The following RUFY1 variants were observed in gnomAD, a reference collection of about 807,000 sequenced individuals.
RUFY1 encodes RUN and FYVE domain containing 1, also known as RUN and FYVE domain-containing protein 1.
Under a neutral mutation model 94.6 loss-of-function variants are expected in RUFY1, and 54 were observed. That is an observed-to-expected ratio of 0.57 (90% CI 0.46 to 0.72). The LOEUF (loss-of-function observed/expected upper bound fraction) is 0.72. Ranked by LOEUF, RUFY1 falls within the 30% of genes least tolerant of loss-of-function variation. The probability of loss-of-function intolerance (pLI) is 0.00; values close to 1 mark genes in which losing one functional copy is unlikely to be tolerated. For missense variants in RUFY1, 883 were observed against 883.9 expected, an observed-to-expected ratio of 1.00 and a Z score of 0.01; for synonymous variants, 396 against 347.3, an observed-to-expected ratio of 1.14 and a Z score of -1.56.
In RUFY1 at chr5:179,550,715, AC is replaced by A. The variant is rs749363186; in HGVS notation, c.148del (p.Leu50CysfsTer18). ...CGAAGCCAGCTGCCCGGCCCAGGCGACCTGCGGAGCGCAACGAGGCCGCGGG... is the reference window on the plus strand; with the variant it reads ...CGAAGCCAGCTGCCCGGCCCAGGCGACTGCGGAGCGCAACGAGGCCGCGGG... Reference protein sequence around the residue: ...VDRSQLPGPGDLRSATRPRAA... With the variant: ...VDRSQLPGPGXLRSATRPRAA... On this transcript the variant is annotated frameshift_variant, in exon 1 of 18. Coordinates refer to ENST00000319449, the MANE Select transcript of RUFY1 (RefSeq NM_025158.5). LOFTEE classifies it high-confidence loss of function. 5 of 1,486,966 alleles carry A rather than the reference AC, an allele frequency of 3.4e-6. No individual in the cohort carries two copies. The highest frequency in any genetic ancestry group is 1.3e-5 in the South Asian group (1 of 79,546). 92.1% of individuals were successfully genotyped at this position (1,486,966 alleles called of 1,614,324 possible). A position where few individuals can be genotyped will look rare whatever the true frequency, so the allele number is the denominator to read the frequency against.
chr5:179,550,642 G>A lies in RUFY1; in HGVS notation c.73G>A (p.Gly25Arg). ...ELEPELEPGPGPGSALEPGEE... is the reference protein window; with the variant it reads ...ELEPELEPGPRPGSALEPGEE... ...GGAGCCGGAGCTGGAGCCGGGGCCG[G>A]GGCCCGGGTCAGCGCTTGAGCCGGG... The change falls in exon 1 of 18, where the codon GGG becomes AGG. Residue 25 changes from glycine to arginine, a missense_variant. Gly to Arg is a moderately radical substitution (Grantham distance 125, BLOSUM62 -2). Transcript: ENST00000319449. 1.4e-6 allele frequency: 2 copies of A among 1,428,356 alleles called. No homozygotes were observed. Among genetic ancestry groups the A allele is most frequent in the Non-Finnish European group, 1.8e-6 (2 of 1,099,258 alleles). The allele number at this position is 1,428,356 out of a possible 1,614,324, so 88.5% of individuals were successfully genotyped here. A position where few individuals can be genotyped will look rare whatever the true frequency, so the allele number is the denominator to read the frequency against.
chr5:179,570,848 T>G (rs548108667), intron 5 of RUFY1, among the ~76,000 whole-genome samples: 2 of 152,226 alleles, frequency 1.3e-5, no homozygotes, highest in African/African-American at 4.8e-5. Flanking sequence ...CAGAGAAGTA[T>G]TTTTGAAAAG....
chr5:179,589,015 G>A (rs953110097), intron 8 of RUFY1, among the ~76,000 whole-genome samples: 2 of 152,180 alleles, frequency 1.3e-5, no homozygotes, highest in Non-Finnish European at 2.9e-5. Flanking sequence ...ACAGGTGTGA[G>A]CCACTGTACC....
At chr5:179,591,126 C>T (rs1480916178) in intron 9 of RUFY1, among the ~76,000 whole-genome samples, 2 of 152,144 alleles carry the variant, frequency 1.3e-5, no homozygotes, top group African/African-American at 2.4e-5. Context: ...AGCCACCACA[C>T]CCAGCCTATG....
intron 6 of RUFY1, among the ~76,000 whole-genome samples, chr5:179,580,129 CTA>C (rs1237605780): frequency 6.6e-6 from 1 of 151,574 alleles, no homozygotes; most frequent in East Asian, 1.9e-4. Context: ...TTGAATGAGA[CTA>C]TACTATATTG....
intron 2 of RUFY1, among the ~76,000 whole-genome samples, chr5:179,560,599 G>A (rs867216622): frequency 1.3e-5 from 2 of 150,834 alleles, no homozygotes; most frequent in South Asian, 2.1e-4. Context: ...GGTAGCGGGC[G>A]CCTGTAGTCC....
At chr5:179,573,869 T>C (rs1763413874) in intron 5 of RUFY1, among the ~76,000 whole-genome samples, 1 of 152,154 alleles carries the variant, frequency 6.6e-6, no homozygotes, top group Admixed American at 6.6e-5. Flanking sequence ...GTCAGATACT[T>C]TTTTTGGATC....
intron 8 of RUFY1, chr5:179,586,547 ACCT>A: frequency 2.4e-6 from 1 of 423,638 alleles, no homozygotes; most frequent in Non-Finnish European, 4.8e-6. Context: ...GAGAAGGAAC[ACCT>A]CCACGGCATG....
chr5:179,596,091 A>G (rs959325392), intron 12 of RUFY1: 6 of 185,042 alleles, frequency 3.2e-5, no homozygotes, highest in African/African-American at 7.2e-5. Context: ...AGCAATCCCA[A>G]TGTTCTGCAT....
intron 3 of RUFY1, among the ~76,000 whole-genome samples, chr5:179,566,533 G>A (rs767515142): frequency 1.3e-5 from 2 of 151,500 alleles, no homozygotes; most frequent in African/African-American, 2.4e-5. Context: ...TTGAACCTGC[G>A]AGGTGGAGGA....
At position 179,596,775 on chromosome 5, in the gene RUFY1, GA is replaced by G; in HGVS notation, c.1631+95del. 2 of 879,296 alleles carry G rather than the reference GA, an allele frequency of 2.3e-6. 1 individual carries two copies. Among genetic ancestry groups the G allele is most frequent in the Non-Finnish European group, 3.1e-6 (2 of 638,076 alleles). 54.5% of individuals were successfully genotyped at this position (879,296 alleles called of 1,614,324 possible). On this transcript the variant is annotated intron_variant, in intron 13 of 17. Transcript: ENST00000319449. The stretch of plus-strand genomic sequence containing the variant: ...TGGTATCCTGCTTCAGCACGAACGG[GA>G]GGAGGGGGGGCGGGGGGGCAGGTGG...
At chr5:179,581,552 C>G (rs1044956753) in intron 7 of RUFY1, among the ~76,000 whole-genome samples, 1 of 151,610 alleles carries the variant, frequency 6.6e-6, no homozygotes, top group Non-Finnish European at 1.5e-5. Context: ...TTCTGAGTCC[C>G]CTCTAGAGAG....
At chr5:179,588,806 C>G (rs1402861843) in intron 8 of RUFY1, among the ~76,000 whole-genome samples, 1 of 152,234 alleles carries the variant, frequency 6.6e-6, no homozygotes, top group Non-Finnish European at 1.5e-5. Context: ...TCTCAGCTCA[C>G]TGCAACCTCC....
At chr5:179,573,812 G>T (rs1042916471) in intron 5 of RUFY1, among the ~76,000 whole-genome samples, 1 of 152,056 alleles carries the variant, frequency 6.6e-6, no homozygotes, top group South Asian at 2.1e-4. Context: ...GTGAGCCACC[G>T]TGCCCGGCCT....
At position 179,569,146 on chromosome 5, in the gene RUFY1, C is replaced by T. The variant is rs908474476; in HGVS notation, c.705-156C>T. On this transcript the variant is annotated intron_variant, in intron 4 of 17. Transcript: ENST00000319449. Reference sequence around the variant, plus strand: ...AGGAGAGGACGGGAGAAAAAGCAGCCGTTGAAGCAGTGAAGAGAAATGAAA... The same window carrying T: ...AGGAGAGGACGGGAGAAAAAGCAGCTGTTGAAGCAGTGAAGAGAAATGAAA... The T allele has an allele frequency of 7.1e-6, 7 of 984,756 alleles. No homozygotes were observed. In the South Asian group the frequency reaches 1.4e-4, roughly 20 times the overall value. 61.0% of individuals were successfully genotyped at this position (984,756 alleles called of 1,614,324 possible).
chr5:179,564,504 A>G (rs1762683753), intron 3 of RUFY1, among the ~76,000 whole-genome samples: 1 of 148,300 alleles, frequency 6.7e-6, no homozygotes, highest in Non-Finnish European at 1.5e-5. Flanking sequence ...AGCTCACTGT[A>G]AGCTCCACCT....
chr5:179,600,754 T>C (rs1408728871), intron 14 of RUFY1, among the ~76,000 whole-genome samples: 1 of 122,890 alleles, frequency 8.1e-6, no homozygotes, highest in East Asian at 2.9e-4. Context: ...TGGAGTGCAG[T>C]GGTGTGATCT....
At chr5:179,590,701 T>C (rs1764997242) in intron 9 of RUFY1, among the ~76,000 whole-genome samples, 3 of 151,606 alleles carry the variant, frequency 2.0e-5, no homozygotes, top group Admixed American at 2.0e-4. Context: ...GTTGGCCAGA[T>C]GGTCTCGATC....
intron 8 of RUFY1, among the ~76,000 whole-genome samples, chr5:179,589,176 G>T (rs1267519766): frequency 6.6e-6 from 1 of 151,986 alleles, no homozygotes; most frequent in African/African-American, 2.4e-5. Flanking sequence ...ATTTTATTGA[G>T]TACATGTTTG....
Sources: allele counts gnomAD v4.1 joint callset (sites outside exome capture counted in the v4.1 genomes callset), GRCh38; gene constraint gnomAD v4.1.1; transcripts MANE v1.5; gene names NCBI Gene and HGNC (gene_info 2026-07-23, HGNC 2026-07-21).